Variants in MON2 observed in about 807,000 individuals in gnomAD.
MON2 encodes protein MON2 homolog.
A neutral mutation model predicts 208.6 loss-of-function variants in MON2; 84 were observed. The ratio of observed to expected loss-of-function variants is 0.40; its 90% CI spans 0.34 to 0.48. MON2 has a LOEUF of 0.48. Among genes scored for constraint, MON2 ranks in the 20% least tolerant of loss-of-function variants. The pLI is 0.59. For missense variants in MON2, 1,611 were observed against 2,015.4 expected (o/e 0.80, Z 3.84); for synonymous variants, 660 against 694.0 (o/e 0.95, Z 0.77).
chr12:62,495,585 G>A (rs1374235477), intron 4 of MON2, among the ~76,000 whole-genome samples: 1 of 151,732 alleles, frequency 6.6e-6, no homozygotes, highest in Non-Finnish European at 1.5e-5. Context: ...GGCTACTCGG[G>A]AGGCTGAGGC....
chr12:62,478,790 A>T (rs1447454937), intron 1 of MON2, among the ~76,000 whole-genome samples: 1 of 152,198 alleles, frequency 6.6e-6, no homozygotes, highest in East Asian at 1.9e-4. Context: ...CAGTGGATGG[A>T]TGGAGGACAT....
intron 2 of MON2, among the ~76,000 whole-genome samples, 158 bp downstream of exon 2, chr12:62,484,391 C>G (rs2069635454): frequency 6.6e-6 from 1 of 152,138 alleles, no homozygotes; most frequent in African/African-American, 2.4e-5. Flanking sequence ...AAGTCCATAA[C>G]TTATGAACTG....
chr12:62,547,788 C>T (rs2073559253), intron 22 of MON2, among the ~76,000 whole-genome samples: 1 of 152,150 alleles, frequency 6.6e-6, no homozygotes, highest in African/African-American at 2.4e-5. Context: ...TATTATGTTA[C>T]AATTGCTTAC....
intron 19 of MON2, among the ~76,000 whole-genome samples, chr12:62,541,374 CA>C (rs34466096): frequency 0.43 from 46,661 of 108,656 alleles, 7,536 homozygotes; most frequent in Middle Eastern, 0.46. Flanking sequence ...AACTCTGTCT[CA>C]AAAAAAAAAA....
intron 30 of MON2, among the ~76,000 whole-genome samples, chr12:62,575,375 G>A (rs939899349): frequency 1.3e-5 from 2 of 152,076 alleles, no homozygotes; most frequent in African/African-American, 4.8e-5. Context: ...CTAAATAATT[G>A]ATAACTTTGG....
chr12:62,483,337 G>A (rs1039359909), intron 1 of MON2, among the ~76,000 whole-genome samples: 1 of 152,074 alleles, frequency 6.6e-6, no homozygotes, highest in Non-Finnish European at 1.5e-5. Flanking sequence ...AGTACTGCCC[G>A]CTAAACATAC....
At chr12:62,565,469 G>A (rs559835020) in intron 27 of MON2, 89 bp downstream of exon 27, 30 of 1,137,048 alleles carry the variant, frequency 2.6e-5, no homozygotes, top group East Asian at 2.0e-4. Context: ...TGATTATCTC[G>A]GAAAAGGATA....
rs1565714841 is a variant in MON2, at chr12:62,585,105, ACACACAAAAC to A, written c.4700-188_4700-179del. Among the ~76,000 whole-genome samples the A allele has an allele frequency of 1.1e-3, 62 of 55,060 alleles. 1 individual carries two copies. The highest frequency in any genetic ancestry group is 4.8e-3 in the African/African-American group (52 of 10,762). The allele number at this position is 55,060 out of a possible 152,430, so 36.1% of individuals were successfully genotyped here. On this transcript the variant is annotated intron_variant, in intron 32 of 34. Transcript: ENST00000393630. ...CACACACACACACACACACACACAC[ACACACAAAAC>A]AAAAAAAAACAAAAAAAAAACACAT...
rs566641181 is a variant in MON2, at chr12:62,599,082, G to A, written c.*6333G>A. Reference sequence around the variant, plus strand: ...CTTACTCTGTTTAAAGACTTTACGAGTAGTGAGTCACATGTTTAGGATGAT... The same window carrying A: ...CTTACTCTGTTTAAAGACTTTACGAATAGTGAGTCACATGTTTAGGATGAT... On this transcript the variant is annotated 3_prime_UTR_variant, in exon 35 of 35. Transcript: ENST00000393630. The A allele has an allele frequency of 6.6e-6, 1 of 151,714 alleles. No individual in the cohort carries two copies. The highest frequency in any genetic ancestry group is 6.6e-5 in the Admixed American group (1 of 15,238). The allele number at this position is 151,714 out of a possible 1,614,324, so 9.4% of individuals were successfully genotyped here. A position where few individuals can be genotyped will look rare whatever the true frequency, so the allele number is the denominator to read the frequency against.
At position 62,561,989 on chromosome 12, in the gene MON2, C is replaced by A. The variant is rs375699044; in HGVS notation, c.4032+876C>A. ...GAAGAAGTTTAGCTGAGCAGTAGTT[C>A]TTGAACTGTTGAACCCTAGTTGTGT... On this transcript the variant is annotated intron_variant, in intron 26 of 34. Coordinates refer to ENST00000393630, the MANE Select transcript of MON2 (RefSeq NM_015026.3). 9.2e-5 allele frequency among the ~76,000 whole-genome samples: 14 copies of A among 152,182 alleles called. No homozygotes were observed. In the South Asian group the frequency reaches 1.5e-3, roughly 16 times the overall value.
At chr12:62,537,454 A>G (rs919662033) in intron 15 of MON2, 148 bp from the exon 16 acceptor site, 2 of 692,510 alleles carry the variant, frequency 2.9e-6, no homozygotes, top group Non-Finnish European at 4.7e-6. Flanking sequence ...ACTTTTAATC[A>G]AATGAATTGT....
intron 8 of MON2, among the ~76,000 whole-genome samples, chr12:62,513,393 T>A (rs1325115580): frequency 6.6e-6 from 1 of 151,884 alleles, no homozygotes; most frequent in Non-Finnish European, 1.5e-5. Context: ...ACCCGGCTAA[T>A]TTTTGTATTT....
chr12:62,507,626 C>T (rs1205062248), intron 7 of MON2, among the ~76,000 whole-genome samples: 1 of 151,540 alleles, frequency 6.6e-6, no homozygotes, highest in Non-Finnish European at 1.5e-5. Flanking sequence ...GCTGTATTTT[C>T]TTTCTTCTGT....
chr12:62,534,752 A>G (rs2072884201), intron 12 of MON2, 93 bp from the exon 13 acceptor site: 3 of 833,534 alleles, frequency 3.6e-6, no homozygotes, highest in Non-Finnish European at 3.9e-6. Context: ...AATATTTGAC[A>G]TATTGTCTGG....
intron 30 of MON2, among the ~76,000 whole-genome samples, chr12:62,576,285 A>G (rs1239971198): frequency 1.3e-5 from 2 of 152,060 alleles, no homozygotes; most frequent in Non-Finnish European, 2.9e-5. Flanking sequence ...GAGACAAAGT[A>G]GATTTATGGT....
chr12:62,536,008 A>G (rs111312904), intron 14 of MON2, among the ~76,000 whole-genome samples: 9 of 152,300 alleles, frequency 5.9e-5, no homozygotes, highest in African/African-American at 1.7e-4. Flanking sequence ...TAATGCAAAC[A>G]TAAGTATTTA....
chr12:62,499,000 G>A lies in MON2; in HGVS notation c.517G>A (p.Val173Ile), dbSNP rs1321858906. ...NTAAATVRQVVTVVFERMVAE... is the reference protein window; with the variant it reads ...NTAAATVRQVITVVFERMVAE... ...AGCTGCTGCTACAGTGCGACAAGTT[G>A]TTACTGTTGTTTTTGAGAGGATGGT... The change falls in exon 5 of 35, where the codon GTT (valine) becomes ATT (isoleucine). Residue 173 changes from valine to isoleucine, a missense_variant. Val to Ile is a conservative substitution (Grantham distance 29). Coordinates refer to ENST00000393630, the MANE Select transcript of MON2 (RefSeq NM_015026.3). The A allele has an allele frequency of 7.4e-6, 12 of 1,613,312 alleles. No individual in the cohort carries two copies. Among genetic ancestry groups the A allele is most frequent in the Non-Finnish European group, 9.3e-6 (11 of 1,179,694 alleles).
intron 8 of MON2, among the ~76,000 whole-genome samples, chr12:62,519,859 T>A (rs549009911): frequency 7.8e-4 from 119 of 152,366 alleles, no homozygotes; most frequent in Non-Finnish European, 1.1e-3. Flanking sequence ...TCTGTCACCC[T>A]GGCTGGAGTG....
intron 33 of MON2, among the ~76,000 whole-genome samples, chr12:62,587,263 G>T (rs1486819774): frequency 6.6e-6 from 1 of 151,924 alleles, no homozygotes; most frequent in Non-Finnish European, 1.5e-5. Context: ...AGTTAAATAA[G>T]TACCATTGTA....
Sources: gnomAD v4.1 joint callset for allele counts (sites outside exome capture counted in the v4.1 genomes callset) on GRCh38, gnomAD v4.1.1 for gene constraint, MANE v1.5 for transcripts, NCBI Gene and HGNC (gene_info 2026-07-23, HGNC 2026-07-21) for gene names.